The following SYN3 variants were observed in gnomAD, a reference collection of about 807,000 sequenced individuals.
SYN3 encodes the protein synapsin-3.
In SYN3, 35 loss-of-function variants were observed where a neutral mutation model predicts 65.8. That is an observed-to-expected ratio of 0.53 (90% CI 0.41 to 0.70). The LOEUF is 0.70. Among genes scored for constraint, SYN3 ranks in the 30% least tolerant of loss-of-function variants. SYN3 has a pLI of 0.00. For synonymous variants in SYN3, 270 were observed against 292.9 expected (o/e 0.92, Z 0.80); for missense variants, 680 against 749.0 (o/e 0.91, Z 1.08).
intron 6 of SYN3, among the ~76,000 whole-genome samples, chr22:32,840,144 A>T (rs1165637655): frequency 6.6e-6 from 1 of 152,232 alleles, no homozygotes; most frequent in East Asian, 1.9e-4. Context: ...CTGAGATGGA[A>T]ACTTGGGTTG....
At chr22:33,023,008 T>G (rs901790878) in intron 1 of SYN3, among the ~76,000 whole-genome samples, 2 of 152,174 alleles carry the variant, frequency 1.3e-5, no homozygotes, top group Admixed American at 6.5e-5. Flanking sequence ...CTAATAATCA[T>G]GCTGGATTGC....
chr22:32,670,873 G>A (rs1485837808), intron 6 of SYN3, among the ~76,000 whole-genome samples: 1 of 152,232 alleles, frequency 6.6e-6, no homozygotes, highest in Non-Finnish European at 1.5e-5. Flanking sequence ...TGAGTAGGAG[G>A]GCATGGGGGG....
chr22:32,643,024 G>A (rs558038975), intron 6 of SYN3, among the ~76,000 whole-genome samples: 7 of 152,146 alleles, frequency 4.6e-5, no homozygotes, highest in Non-Finnish European at 1.0e-4. Flanking sequence ...TTAAAAAGAT[G>A]AGCTTATAAA....
intron 3 of SYN3, among the ~76,000 whole-genome samples, chr22:32,956,029 T>C (rs1601780293): frequency 1.6e-5 from 2 of 122,200 alleles, no homozygotes; most frequent in African/African-American, 6.9e-5. Flanking sequence ...TTAATACTAC[T>C]TAATAAATTC....
chr22:32,947,102 T>C (rs1418737929), intron 3 of SYN3, among the ~76,000 whole-genome samples: 1 of 152,214 alleles, frequency 6.6e-6, no homozygotes, highest in East Asian at 1.9e-4. Context: ...GATCTAAATC[T>C]TGAATTTGAC....
In SYN3 at chr22:32,664,028, AAG is replaced by A. The variant is rs1482636293; in HGVS notation, c.712-67294_712-67293del. Among the ~76,000 whole-genome samples the A allele has an allele frequency of 9.8e-5, 15 of 152,288 alleles. No homozygotes were observed. The East Asian group carries it at 2.7e-3, about 27-fold the overall frequency. On this transcript the variant is annotated intron_variant, in intron 6 of 13. Coordinates refer to ENST00000358763, the MANE Select transcript of SYN3 (RefSeq NM_003490.4). ...AATGTCTTTGAATTTTAGACTTGAG[AAG>A]AGACTATGAAAAGTCTCTCAGAGAA...
At chr22:32,583,500 G>A (rs1414145503) in intron 7 of SYN3, 1 of 152,216 alleles carries the variant, frequency 6.6e-6, no homozygotes, top group Admixed American at 6.5e-5. Context: ...TGTTCCAAAA[G>A]GCCTGGCAGA....
At chr22:32,822,552 T>G (rs1365632746) in intron 6 of SYN3, among the ~76,000 whole-genome samples, 3 of 152,260 alleles carry the variant, frequency 2.0e-5, no homozygotes, top group Non-Finnish European at 2.9e-5. Flanking sequence ...TCTAGAAATT[T>G]AGTCCTAAGA....
At chr22:32,555,852 A>AG (rs1483159781) in intron 7 of SYN3, among the ~76,000 whole-genome samples, 1 of 152,198 alleles carries the variant, frequency 6.6e-6, no homozygotes, top group Non-Finnish European at 1.5e-5. Flanking sequence ...GATGGGGTCA[A>AG]GGGGGATAAA....
chr22:32,528,158 T>C (rs928790745), intron 11 of SYN3, among the ~76,000 whole-genome samples, 153 bp from the exon 12 acceptor site: 1 of 152,236 alleles, frequency 6.6e-6, no homozygotes, highest in African/African-American at 2.4e-5. Context: ...AGTGAAGTTC[T>C]ATATGTGTAT....
intron 6 of SYN3, among the ~76,000 whole-genome samples, chr22:32,611,770 G>C (rs571656811): frequency 2.0e-5 from 3 of 152,248 alleles, no homozygotes; most frequent in Admixed American, 2.0e-4. Flanking sequence ...CTGAGACAGA[G>C]CTCCTAAAAG....
intron 6 of SYN3, among the ~76,000 whole-genome samples, chr22:32,646,857 T>C (rs2059990921): frequency 6.6e-6 from 1 of 152,206 alleles, no homozygotes; most frequent in Non-Finnish European, 1.5e-5. Context: ...GGATGAGATA[T>C]TCCAGATGGA....
intron 6 of SYN3, among the ~76,000 whole-genome samples, chr22:32,848,530 T>C (rs1256425508): frequency 6.6e-6 from 1 of 152,182 alleles, no homozygotes; most frequent in Non-Finnish European, 1.5e-5. Context: ...AGGTGTGCAA[T>C]AAATGGGAGC....
chr22:32,616,162 G>A (rs945782424), intron 6 of SYN3, among the ~76,000 whole-genome samples: 1 of 152,190 alleles, frequency 6.6e-6, no homozygotes, highest in African/African-American at 2.4e-5. Context: ...AGGGAAGGGT[G>A]CAGAGTTCGC....
chr22:32,942,227 A>G (rs2050962463), intron 3 of SYN3, among the ~76,000 whole-genome samples: 1 of 152,214 alleles, frequency 6.6e-6, no homozygotes, highest in Non-Finnish European at 1.5e-5. Context: ...TCACACGGCC[A>G]GGTACCCCTC....
intron 6 of SYN3, among the ~76,000 whole-genome samples, chr22:32,759,170 A>T (rs2145704716): frequency 6.6e-6 from 1 of 152,254 alleles, no homozygotes; most frequent in South Asian, 2.1e-4. Flanking sequence ...TAGACAGGGA[A>T]TCCAGCTTGC....
At chr22:32,563,823 C>G (rs925247167) in intron 7 of SYN3, among the ~76,000 whole-genome samples, 1 of 152,180 alleles carries the variant, frequency 6.6e-6, no homozygotes, top group Non-Finnish European at 1.5e-5. Context: ...GCATGCACCA[C>G]CATGCCTGGC....
intron 12 of SYN3, among the ~76,000 whole-genome samples, chr22:32,525,471 G>T (rs181019279): frequency 1.5e-3 from 226 of 152,270 alleles, no homozygotes; most frequent in African/African-American, 5.2e-3. Flanking sequence ...ACTTTGGGAG[G>T]CTGAGGCGGG....
chr22:32,957,358 G>A (rs1309776446), intron 3 of SYN3, among the ~76,000 whole-genome samples: 2 of 152,154 alleles, frequency 1.3e-5, no homozygotes, highest in Non-Finnish European at 2.9e-5. Context: ...AGGCCTGGCC[G>A]GACTTGTGCT....
Sources: gnomAD v4.1 joint callset for allele counts (sites outside exome capture counted in the v4.1 genomes callset) on GRCh38, gnomAD v4.1.1 for gene constraint, MANE v1.5 for transcripts, NCBI Gene and HGNC (gene_info 2026-07-23, HGNC 2026-07-21) for gene names.